The following SPAG5 variants were observed in gnomAD, a reference collection of about 807,000 sequenced individuals.
SPAG5 encodes the protein sperm-associated antigen 5.
A neutral mutation model predicts 145.4 loss-of-function variants in SPAG5; 99 were observed. The observed-to-expected ratio is 0.68, with a 90% CI of 0.58 to 0.80. The LOEUF is 0.80. Among genes scored for constraint, SPAG5 ranks in the 30% least tolerant of loss-of-function variants. The pLI, the probability that SPAG5 is intolerant of heterozygous loss-of-function variation, is 0.00. For synonymous variants in SPAG5, 477 were observed against 525.4 expected, an observed-to-expected ratio of 0.91 and a Z score of 1.26; for missense variants, 1,192 against 1,416.0, an observed-to-expected ratio of 0.84 and a Z score of 2.54.
intron 4 of SPAG5, among the ~76,000 whole-genome samples, chr17:28,587,286 C>G (rs574720561): frequency 4.7e-5 from 7 of 150,532 alleles, no homozygotes; most frequent in Non-Finnish European, 1.0e-4. Flanking sequence ...GTGGCGCACA[C>G]CTGTAATCCC....
At chr17:28,596,543 C>G (rs2151524112) in intron 2 of SPAG5, among the ~76,000 whole-genome samples, 1 of 151,868 alleles carries the variant, frequency 6.6e-6, no homozygotes, top group African/African-American at 2.4e-5. Flanking sequence ...TGGCACGTGC[C>G]TATAATCCCA....
chr17:28,595,774 G>C (rs570638791), intron 2 of SPAG5, among the ~76,000 whole-genome samples: 3 of 147,378 alleles, frequency 2.0e-5, no homozygotes, highest in African/African-American at 5.0e-5. Flanking sequence ...GGCCGGGCGC[G>C]GTGGCTCACG....
In SPAG5 at chr17:28,591,792, A is replaced by T. The variant is rs758265514; in HGVS notation, c.1343T>A (p.Leu448His). 11 of 1,614,028 alleles carry T rather than the reference A, an allele frequency of 6.8e-6. No individual in the cohort carries two copies. In the East Asian group the frequency reaches 2.5e-4, roughly 36 times the overall value. Residue 448 changes from leucine to histidine, a missense_variant, in exon 4 of 24, where the codon CTC becomes CAC. By Grantham distance (99) the Leu-to-His change is moderately conservative (BLOSUM62 -3). Coordinates refer to ENST00000321765, the MANE Select transcript of SPAG5 (RefSeq NM_006461.4). Reference sequence around the variant, plus strand: ...CTTCCAGTCCCGAAGCTGGCGGGAGAGAACCTCCAGAATGACAAGAGAGCT... The same window carrying T: ...CTTCCAGTCCCGAAGCTGGCGGGAGTGAACCTCCAGAATGACAAGAGAGCT... Reference protein sequence around the residue: ...LLSSLVILEVLSRQLRDWKSQ... With the variant: ...LLSSLVILEVHSRQLRDWKSQ...
intron 4 of SPAG5, among the ~76,000 whole-genome samples, chr17:28,588,014 AAG>A (rs1274857126): frequency 6.6e-6 from 1 of 152,218 alleles, no homozygotes; most frequent in African/African-American, 2.4e-5. Context: ...GACAAGTTCT[AAG>A]AGAAAAGTGG....
rs542804590 is a variant in SPAG5, at chr17:28,592,733, T to C, written c.511A>G (p.Arg171Gly). Reference protein sequence around the residue: ...NGPLRTDDLVREEVAPCMGDR... With the variant: ...NGPLRTDDLVGEEVAPCMGDR... ...CCCATGCAGGGTGCCACCTCCTCTC[T>C]CACCAGATCGTCTGTTCTCAAAGGT... The change falls in exon 3 of 24, where the codon AGA becomes GGA. Residue 171 changes from arginine (R) to glycine (G), a missense_variant. Arg to Gly is a moderately radical substitution (Grantham distance 125). Coordinates refer to ENST00000321765, the MANE Select transcript of SPAG5 (RefSeq NM_006461.4). 6.2e-7 allele frequency: 1 copy of C among 1,614,230 alleles called. No individual in the cohort carries two copies. The highest frequency in any genetic ancestry group is 1.1e-5 in the South Asian group (1 of 91,092).
At chr17:28,597,754 G>A (rs1459866408) in intron 2 of SPAG5, among the ~76,000 whole-genome samples, 1 of 152,152 alleles carries the variant, frequency 6.6e-6, no homozygotes, top group Non-Finnish European at 1.5e-5. Flanking sequence ...CAAAAAAGAG[G>A]AAGCAAAACT....
In SPAG5 at chr17:28,585,641, A is replaced by G. The variant is rs1170662920; in HGVS notation, c.1753T>C (p.Leu585=). 2 of 1,613,862 alleles carry G rather than the reference A, an allele frequency of 1.2e-6. No homozygotes were observed. Among genetic ancestry groups the G allele is most frequent in the African/African-American group, 1.3e-5 (1 of 75,046 alleles). Residue 585 remains leucine (L), a synonymous_variant, in exon 8 of 24, where the codon TTG becomes CTG. Transcript: ENST00000321765. ...LRGKDAAEIV[L]EAFCAHASQR... ...CTGGCGTGTGCACAGAAAGCCTCCA[A>G]CACTATCTCTGCCTATTGAGGGAAG...
chr17:28,595,610 A>G (rs1318176155), intron 2 of SPAG5, among the ~76,000 whole-genome samples: 2 of 151,838 alleles, frequency 1.3e-5, no homozygotes, highest in African/African-American at 4.8e-5. Context: ...TTAGCCAGGC[A>G]TGGTGGCACG....
At chr17:28,586,639 C>T in intron 4 of SPAG5, 140 bp from the exon 5 acceptor site, 1 of 644,072 alleles carries the variant, frequency 1.6e-6, no homozygotes, top group Admixed American at 2.3e-5. Flanking sequence ...TCAAGCAATT[C>T]TCATGCCTCA....
At chr17:28,580,264 T>G in intron 15 of SPAG5, 144 bp from the exon 16 acceptor site, 1 of 519,286 alleles carries the variant, frequency 1.9e-6, no homozygotes, top group Non-Finnish European at 3.5e-6. Context: ...AGTGCCTTTC[T>G]CTGAACATGT....
In SPAG5 at chr17:28,598,549, G is replaced by A. The variant is rs757369986; in HGVS notation, c.138C>T (p.Cys46=). Residue 46 remains cysteine, a synonymous_variant, in exon 2 of 24, where the codon TGC becomes TGT. Transcript: ENST00000321765. ...TGCACAGTGATGGGGTCAGCGAGGAGCAAGCGGGGGATCTTTTTCCAGAGT... is the reference window on the plus strand; with the variant it reads ...TGCACAGTGATGGGGTCAGCGAGGAACAAGCGGGGGATCTTTTTCCAGAGT... ...LTNSGKRSPA[C]SSLTPSLCKL... is the part of the protein sequence containing the mutation. The A allele has an allele frequency of 3.7e-6, 6 of 1,613,816 alleles. No individual in the cohort carries two copies. In the Admixed American group the frequency reaches 1.0e-4, roughly 27 times the overall value.
chr17:28,582,169 C>T lies in SPAG5; in HGVS notation c.2685+1342G>A, dbSNP rs889448322. ...TCTCCAGTGTTGTCTCCTGCCTTGC[C>T]CCACAGAGCTCTCACGCTGCAGCCA... is the stretch of plus-strand genomic sequence containing the variant. On this transcript the variant is annotated intron_variant, in intron 15 of 23. Transcript: ENST00000321765. 2.6e-5 allele frequency among the ~76,000 whole-genome samples: 4 copies of T among 152,182 alleles called. No individual in the cohort carries two copies. The South Asian group carries it at 8.3e-4, about 32-fold the overall frequency.
chr17:28,582,057 T>C (rs1309060388), intron 15 of SPAG5, among the ~76,000 whole-genome samples: 1 of 152,196 alleles, frequency 6.6e-6, no homozygotes, highest in African/African-American at 2.4e-5. Context: ...TAAATATCTA[T>C]TGAATCCATT....
chr17:28,582,497 G>A (rs909776567), intron 15 of SPAG5, among the ~76,000 whole-genome samples: 12 of 152,136 alleles, frequency 7.9e-5, no homozygotes, highest in African/African-American at 1.9e-4. Context: ...CCTAATTCTC[G>A]AAGGCTGAAG....
rs1366233852 is a variant in SPAG5 at position 28,592,219 on chromosome 17, G to A, written c.1025C>T (p.Pro342Leu). 3 of 1,614,188 alleles carry A rather than the reference G, an allele frequency of 1.9e-6. No individual in the cohort carries two copies. Among genetic ancestry groups the A allele is most frequent in the Non-Finnish European group, 2.5e-6 (3 of 1,180,046 alleles). The change falls in exon 3 of 24, where the codon CCA becomes CTA. Residue 342 changes from proline (P) to leucine (L), a missense_variant. Coordinates refer to ENST00000321765, the MANE Select transcript of SPAG5 (RefSeq NM_006461.4). The part of the protein sequence containing the change: ...LGSDTESWMS[P>L]LAWLEKGVNT... Reference sequence around the variant, plus strand: ...TACACCTTTTTCCAGCCAGGCCAGTGGGGACATCCAAGACTCTGTATCAGA... The same window carrying A: ...TACACCTTTTTCCAGCCAGGCCAGTAGGGACATCCAAGACTCTGTATCAGA...
intron 4 of SPAG5, among the ~76,000 whole-genome samples, chr17:28,591,418 T>C (rs1228642387): frequency 6.6e-6 from 1 of 152,206 alleles, no homozygotes; most frequent in East Asian, 1.9e-4. Context: ...TGCAAAACCA[T>C]ATCCAGCTGA....
Position 28,585,221 on chromosome 17 carries a change from A to T in SPAG5, c.1954-6T>A. ...AAAGCTGTCCATGTTGTATACTACC[A>T]GGGGAAGCAAGCAGGTCAGTAGAGC... On this transcript the variant is annotated splice_region_variant and splice_polypyrimidine_tract_variant and intron_variant, in intron 9 of 23. Coordinates refer to ENST00000321765, the MANE Select transcript of SPAG5 (RefSeq NM_006461.4). The T allele has an allele frequency of 6.2e-7, 1 of 1,613,854 alleles. No homozygotes were observed. The highest frequency in any genetic ancestry group is 2.2e-5 in the East Asian group (1 of 44,870).
rs767090317 is a variant in SPAG5 at position 28,584,316 on chromosome 17, C to T, written c.2309+17G>A. On this transcript the variant is annotated intron_variant, in intron 12 of 23. Transcript: ENST00000321765. The stretch of plus-strand genomic sequence containing the variant: ...ATCCTGGATGCCTACTGCCACAGTA[C>T]CCCGTTAGGAACTCACTGAGCAGCC... 1.2e-6 allele frequency: 2 copies of T among 1,614,082 alleles called. No homozygotes were observed. The highest frequency in any genetic ancestry group is 1.7e-5 in the Admixed American group (1 of 60,026).
intron 15 of SPAG5, among the ~76,000 whole-genome samples, chr17:28,582,069 A>G (rs2070552781): frequency 6.6e-6 from 1 of 151,914 alleles, no homozygotes; most frequent in Non-Finnish European, 1.5e-5. Context: ...GAATCCATTC[A>G]CTCCATCCTC....
Sources: allele counts gnomAD v4.1 joint callset (sites outside exome capture counted in the v4.1 genomes callset), GRCh38; gene constraint gnomAD v4.1.1; transcripts MANE v1.5; gene names NCBI Gene and HGNC (gene_info 2026-07-23, HGNC 2026-07-21).